Variants in BRAP observed in about 807,000 individuals in gnomAD.
BRAP encodes BRCA1-associated protein.
In BRAP, 42 loss-of-function variants were observed where a neutral mutation model predicts 73.4. The ratio of observed to expected loss-of-function variants is 0.57; its 90% CI spans 0.45 to 0.74. BRAP has a LOEUF of 0.74. Among genes scored for constraint, BRAP ranks in the 30% least tolerant of loss-of-function variants. The pLI is 0.00. For synonymous variants in BRAP, 255 were observed against 267.4 expected, an observed-to-expected ratio of 0.95 and a Z score of 0.45; for missense variants, 593 against 751.4, an observed-to-expected ratio of 0.79 and a Z score of 2.46.
intron 1 of BRAP, among the ~76,000 whole-genome samples, chr12:111,683,687 C>T (rs1396656556): frequency 1.3e-5 from 2 of 152,086 alleles, no homozygotes; most frequent in Non-Finnish European, 2.9e-5. Context: ...ATTACAGGCA[C>T]GTGCCACCAC....
At chr12:111,681,231 G>A (rs564621337) in intron 3 of BRAP, among the ~76,000 whole-genome samples, 2 of 152,168 alleles carry the variant, frequency 1.3e-5, no homozygotes, top group African/African-American at 4.8e-5. Context: ...TTAGCTAGGT[G>A]TGGTGGTGGG....
chr12:111,679,992 T>C (rs1053557513), intron 3 of BRAP, among the ~76,000 whole-genome samples: 10 of 150,992 alleles, frequency 6.6e-5, no homozygotes, highest in African/African-American at 2.4e-4. Context: ...GAGAATTCTG[T>C]CTTTTTTTTT....
intron 9 of BRAP, 23 bp downstream of exon 9, chr12:111,658,713 T>C (rs1397082848): frequency 2.8e-6 from 4 of 1,429,406 alleles, no homozygotes; most frequent in Non-Finnish European, 3.9e-6. Context: ...ACAGATAGAG[T>C]GATAACTCAT....
rs750475194 is a variant in BRAP, at chr12:111,672,619, TC to T, written c.747+41del. Reference sequence around the variant, plus strand: ...ACCTTAGCATTCAATTTTACACCAATCTGATATATTTTAATTAAATATAGGA... The same window carrying T: ...ACCTTAGCATTCAATTTTACACCAATTGATATATTTTAATTAAATATAGGA... On this transcript the variant is annotated intron_variant, in intron 5 of 11. Coordinates refer to ENST00000419234, the MANE Select transcript of BRAP (RefSeq NM_006768.5). The T allele has an allele frequency of 4.9e-5, 76 of 1,537,298 alleles. No individual in the cohort carries two copies. In the African/African-American group the frequency reaches 7.0e-4, roughly 14 times the overall value.
intron 5 of BRAP, among the ~76,000 whole-genome samples, chr12:111,667,994 G>A (rs1887022357): frequency 6.6e-6 from 1 of 152,132 alleles, no homozygotes; most frequent in African/African-American, 2.4e-5. Flanking sequence ...GGATCACGAG[G>A]TCAAGAGTTT....
At position 111,683,129 on chromosome 12, in the gene BRAP, G is replaced by A. The variant is rs745323072; in HGVS notation, c.244+17C>T. The A allele has an allele frequency of 6.2e-7, 1 of 1,608,522 alleles. No individual in the cohort carries two copies. The highest frequency in any genetic ancestry group is 8.5e-7 in the Non-Finnish European group (1 of 1,177,852). On this transcript the variant is annotated intron_variant, in intron 2 of 11. Coordinates refer to ENST00000419234, the MANE Select transcript of BRAP (RefSeq NM_006768.5). Reference sequence around the variant, plus strand: ...GTTCACATTACAAAAGAGAGTCCAGGGTTTTAGAAAGCATACCTGGGTTGG... The same window carrying A: ...GTTCACATTACAAAAGAGAGTCCAGAGTTTTAGAAAGCATACCTGGGTTGG...
intron 10 of BRAP, among the ~76,000 whole-genome samples, chr12:111,651,920 G>C (rs1300548237): frequency 2.0e-5 from 3 of 152,040 alleles, no homozygotes; most frequent in African/African-American, 7.2e-5. Flanking sequence ...ACAGGCATAA[G>C]CCACCACGCC....
In BRAP at chr12:111,643,975, G is replaced by C. The variant is rs1490092543; in HGVS notation, c.*224C>G. 1.6e-6 allele frequency: 1 copy of C among 622,858 alleles called. No individual in the cohort carries two copies. The highest frequency in any genetic ancestry group is 1.8e-5 in the African/African-American group (1 of 54,592). The allele number at this position is 622,858 out of a possible 1,614,324, so 38.6% of individuals were successfully genotyped here. The stretch of plus-strand genomic sequence containing the variant: ...AAATGGTCATTAGAATGTGAGGTTA[G>C]TGAACTCTTAAGACCTTTTCGAACG... On this transcript the variant is annotated 3_prime_UTR_variant, in exon 12 of 12. Transcript: ENST00000419234.
Position 111,644,219 on chromosome 12 carries a change from G to A in BRAP, c.1759C>T (p.Arg587Cys), listed in dbSNP as rs1057006610. The part of the protein sequence containing the change: ...GSGKLPSRKG[R>C]SKRGK The stretch of plus-strand genomic sequence containing the variant: ...GAAGGTCACTTGCCCCTCTTGCTGC[G>A]GCCCTTCCTGGAGGGCAACTTCCCA... Residue 587 changes from arginine to cysteine, a missense_variant, in exon 12 of 12, where the codon CGC becomes TGC. By Grantham distance (180) the Arg-to-Cys change is radical. Around this residue, in one of 4 missense-constraint regions of BRAP, gnomAD observed 79 missense variants for 65.3 expected, o/e 1.21. Transcript: ENST00000419234. 1.1e-5 allele frequency: 18 copies of A among 1,611,828 alleles called. No individual in the cohort carries two copies. The highest frequency in any genetic ancestry group is 8.0e-5 in the African/African-American group (6 of 74,894).
chr12:111,684,850 G>T (rs2135934608), intron 1 of BRAP, among the ~76,000 whole-genome samples: 1 of 152,220 alleles, frequency 6.6e-6, no homozygotes, highest in Admixed American at 6.5e-5. Context: ...TGTATTTTTA[G>T]TACAGACAGG....
intron 10 of BRAP, among the ~76,000 whole-genome samples, chr12:111,654,168 T>C (rs1410712121): frequency 6.6e-6 from 1 of 152,052 alleles, no homozygotes; most frequent in East Asian, 1.9e-4. Context: ...TGGGAGGTGG[T>C]CCTCCCTGCA....
intron 5 of BRAP, among the ~76,000 whole-genome samples, chr12:111,670,843 TA>T (rs1887140748): frequency 6.6e-6 from 1 of 151,940 alleles, no homozygotes; most frequent in Non-Finnish European, 1.5e-5. Context: ...CTCATGCCTG[TA>T]ATCCTAACAC....
At chr12:111,664,684 T>C (rs1210323049) in intron 6 of BRAP, among the ~76,000 whole-genome samples, 1 of 152,236 alleles carries the variant, frequency 6.6e-6, no homozygotes, top group Non-Finnish European at 1.5e-5. Flanking sequence ...GCCCCCGCTC[T>C]GTGAAGCTGA....
intron 5 of BRAP, chr12:111,670,095 T>C: frequency 1.6e-6 from 1 of 623,696 alleles, no homozygotes; most frequent in Admixed American, 2.0e-5. Context: ...TGGAACAGTT[T>C]CTTTTGGCTT....
At chr12:111,666,021 T>A (rs1046908713) in intron 5 of BRAP, among the ~76,000 whole-genome samples, 10 of 152,180 alleles carry the variant, frequency 6.6e-5, no homozygotes, top group African/African-American at 2.4e-4. Flanking sequence ...CTTCTTTTAA[T>A]AATAGTTTTC....
At chr12:111,661,142 G>A (rs897516516) in intron 6 of BRAP, among the ~76,000 whole-genome samples, 1 of 151,610 alleles carries the variant, frequency 6.6e-6, no homozygotes, top group African/African-American at 2.4e-5. Context: ...ACCACACCCA[G>A]CTAATTATTG....
chr12:111,648,241 T>A (rs1032516968), intron 11 of BRAP, among the ~76,000 whole-genome samples: 1 of 146,366 alleles, frequency 6.8e-6, no homozygotes, highest in Admixed American at 7.0e-5. Flanking sequence ...GAGGTTGCAG[T>A]GAACTGAGAT....
At position 111,675,186 on chromosome 12, in the gene BRAP, A is replaced by C. The variant is rs537722539; in HGVS notation, c.634-2412T>G. ...TGAGGTGGGAGGATAGCTTGAGCCCAGGAGGTGAAAGCTGCAGTGAGCCGA... is the reference window on the plus strand; with the variant it reads ...TGAGGTGGGAGGATAGCTTGAGCCCCGGAGGTGAAAGCTGCAGTGAGCCGA... On this transcript the variant is annotated intron_variant, in intron 4 of 11. Transcript: ENST00000419234. Among the ~76,000 whole-genome samples the C allele has an allele frequency of 5.3e-5, 8 of 152,042 alleles. No individual in the cohort carries two copies. In the South Asian group the frequency reaches 1.7e-3, roughly 32 times the overall value.
intron 3 of BRAP, among the ~76,000 whole-genome samples, chr12:111,680,694 AAAAAAACAAAAC>A (rs146114438): frequency 0.4 from 58,444 of 147,484 alleles, 15,591 homozygotes; most frequent in East Asian, 0.9. Context: ...CCTGTCTCAA[AAAAAAACAAAAC>A]AAAAAACAAA....
Sources: gnomAD v4.1 joint callset for allele counts (sites outside exome capture counted in the v4.1 genomes callset) on GRCh38, gnomAD v4.1.1 for gene constraint, gnomAD v4.1.1 regional missense constraint, MANE v1.5 for transcripts, NCBI Gene and HGNC (gene_info 2026-07-23, HGNC 2026-07-21) for gene names.